The following SNX16 variants were observed in gnomAD, a reference collection of about 807,000 sequenced individuals.
SNX16 encodes sorting nexin-16.
A neutral mutation model predicts 36.7 loss-of-function variants in SNX16; 35 were observed. The observed-to-expected ratio is 0.95, with a 90% CI of 0.73 to 1.27. The LOEUF (loss-of-function observed/expected upper bound fraction) is 1.27, where lower values mean the gene tolerates loss of function less well. SNX16 is among the 50% of genes most tolerant of loss of function. SNX16 has a pLI of 0.00. For missense variants in SNX16, 367 were observed against 393.6 expected (o/e 0.93, Z 0.57); for synonymous variants, 134 against 132.0 (o/e 1.02, Z -0.10).
chr8:81,810,845 C>G (rs2130631322), intron 5 of SNX16, among the ~76,000 whole-genome samples: 2 of 152,172 alleles, frequency 1.3e-5, no homozygotes, highest in Middle Eastern at 6.8e-3. Flanking sequence ...CCTCGGCCAC[C>G]AAAAAGTTAT....
chr8:81,831,009 T>C (rs1811244342), intron 2 of SNX16, among the ~76,000 whole-genome samples: 1 of 152,130 alleles, frequency 6.6e-6, no homozygotes, highest in African/African-American at 2.4e-5. Flanking sequence ...AAAATAAGCA[T>C]AGGGAAGCGA....
At position 81,801,597 on chromosome 8, in the gene SNX16, CAAAA is replaced by C. The variant is rs33964984; in HGVS notation, c.939-8_939-5del. On this transcript the variant is annotated splice_region_variant and splice_polypyrimidine_tract_variant and intron_variant, in intron 7 of 7. Coordinates refer to ENST00000345957, the MANE Select transcript of SNX16 (RefSeq NM_152836.3). ...TAAGCATGGTTTATTATCAGCTCTGCAAAAAAAAAAAAAAAAGGAACATATCAAT... is the reference window on the plus strand; with the variant it reads ...TAAGCATGGTTTATTATCAGCTCTGCAAAAAAAAAAAAGGAACATATCAAT... 2,137 of 1,046,836 alleles carry C rather than the reference CAAAA, an allele frequency of 2.0e-3. No homozygotes were observed. The highest frequency in any genetic ancestry group is 3.5e-3 in the Admixed American group (96 of 27,328). 64.8% of individuals were successfully genotyped at this position (1,046,836 alleles called of 1,614,324 possible).
intron 2 of SNX16, among the ~76,000 whole-genome samples, chr8:81,830,361 G>C (rs893111737): frequency 6.6e-6 from 1 of 151,974 alleles, no homozygotes; most frequent in Non-Finnish European, 1.5e-5. Flanking sequence ...TGGGGGTCAG[G>C]AGATCGAGAC....
intron 4 of SNX16, among the ~76,000 whole-genome samples, chr8:81,822,964 A>ATATATATATATATATATGTATATG (rs1554546264): frequency 7.9e-5 from 10 of 127,242 alleles, no homozygotes; most frequent in Admixed American, 1.6e-4. Flanking sequence ...ATATATATAT[A>ATATATATATATATATATGTATATG]TATATATATA....
At chr8:81,816,733 G>A (rs999593657) in intron 4 of SNX16, among the ~76,000 whole-genome samples, 17 of 152,142 alleles carry the variant, frequency 1.1e-4, no homozygotes, top group African/African-American at 3.4e-4. Flanking sequence ...AAATGATACC[G>A]AATTTCAGAG....
In SNX16 at chr8:81,800,300, T is replaced by G. The variant is rs139555290; in HGVS notation, c.*1197A>C. 1.4e-4 allele frequency: 21 copies of G among 151,870 alleles called. No individual in the cohort carries two copies. The highest frequency in any genetic ancestry group is 4.8e-4 in the African/African-American group (20 of 41,496). 9.4% of individuals were successfully genotyped at this position (151,870 alleles called of 1,614,324 possible). A position where few individuals can be genotyped will look rare whatever the true frequency, so the allele number is the denominator to read the frequency against. ...ACAGCAATATGCAAAACAGTGAAAATAGAAAATAAATAACTTCATCCTATA... is the reference window on the plus strand; with the variant it reads ...ACAGCAATATGCAAAACAGTGAAAAGAGAAAATAAATAACTTCATCCTATA... On this transcript the variant is annotated 3_prime_UTR_variant, in exon 8 of 8. Transcript: ENST00000345957.
At chr8:81,819,579 T>C (rs1810640746) in intron 4 of SNX16, among the ~76,000 whole-genome samples, 2 of 152,076 alleles carry the variant, frequency 1.3e-5, no homozygotes, top group Non-Finnish European at 2.9e-5. Flanking sequence ...GATCTAACTA[T>C]CCATTATGAT....
At chr8:81,833,875 CTCTT>C (rs1471719551) in intron 2 of SNX16, among the ~76,000 whole-genome samples, 1 of 152,136 alleles carries the variant, frequency 6.6e-6, no homozygotes, top group Non-Finnish European at 1.5e-5. Context: ...GTTGTTTCTA[CTCTT>C]TATTTGAAGT....
chr8:81,836,291 A>G (rs1188094203), intron 2 of SNX16, among the ~76,000 whole-genome samples: 1 of 152,216 alleles, frequency 6.6e-6, no homozygotes. Flanking sequence ...TCAAAAGAAT[A>G]TATCTAGAAA....
At chr8:81,812,902 G>C (rs1484587965) in intron 5 of SNX16, among the ~76,000 whole-genome samples, 1 of 151,886 alleles carries the variant, frequency 6.6e-6, no homozygotes, top group Non-Finnish European at 1.5e-5. Flanking sequence ...AGAGATATTG[G>C]AGCCAAGTTT....
chr8:81,803,010 C>G, intron 6 of SNX16, 82 bp downstream of exon 6: 2 of 1,229,918 alleles, frequency 1.6e-6, no homozygotes, highest in Non-Finnish European at 2.1e-6. Flanking sequence ...ATTCCTAAAT[C>G]ATATTAAAAT....
At chr8:81,805,930 G>GA (rs1012018095) in intron 5 of SNX16, among the ~76,000 whole-genome samples, 84 of 147,984 alleles carry the variant, frequency 5.7e-4, no homozygotes, top group Middle Eastern at 3.5e-3. Context: ...TCAAAAAAAA[G>GA]AAAAAAAAAT....
chr8:81,815,634 A>G, intron 4 of SNX16: 1 of 336,390 alleles, frequency 3.0e-6, no homozygotes, highest in Admixed American at 3.9e-5. Context: ...GGCATAAAAC[A>G]TACTTCACAA....
rs535405142 is a variant in SNX16, at chr8:81,825,571, C to T, written c.463-1631G>A. 1.2e-4 allele frequency among the ~76,000 whole-genome samples: 18 copies of T among 152,256 alleles called. No individual in the cohort carries two copies. The South Asian group carries it at 3.5e-3, about 30-fold the overall frequency. ...TACTACACTACAATTATTATGCATG[C>T]CTTAGTCATAGTTGCATCTTTAATG... On this transcript the variant is annotated intron_variant, in intron 3 of 7. Coordinates refer to ENST00000345957, the MANE Select transcript of SNX16 (RefSeq NM_152836.3).
chr8:81,802,231 C>T, intron 7 of SNX16, 149 bp downstream of exon 7: 1 of 504,446 alleles, frequency 2.0e-6, no homozygotes, highest in South Asian at 6.7e-5. Flanking sequence ...TTAGGAAAAG[C>T]CTAAAATATT....
chr8:81,829,433 G>T lies in SNX16; in HGVS notation c.459C>A (p.Asp153Glu). The part of the protein sequence containing the change: ...RRYTDFSRLN[D>E]KLKEMFPGFR... The stretch of plus-strand genomic sequence containing the variant: ...TTGGATTTATTATAGTACTTACTTT[G>T]TCATTAAGCCTAGAGAAGTCAGTGT... Residue 153 changes from aspartate to glutamate, a missense_variant, in exon 3 of 8, where the codon GAC becomes GAA. Physicochemically the swap from Asp to Glu is conservative, Grantham distance 45 (BLOSUM62 2). Transcript: ENST00000345957. 1 of 1,365,180 alleles carries T rather than the reference G, an allele frequency of 7.3e-7. No individual in the cohort carries two copies. Among genetic ancestry groups the T allele is most frequent in the Non-Finnish European group, 9.7e-7 (1 of 1,035,220 alleles). The allele number at this position is 1,365,180 out of a possible 1,614,324, so 84.6% of individuals were successfully genotyped here.
chr8:81,831,018 G>A (rs1224448413), intron 2 of SNX16, among the ~76,000 whole-genome samples: 3 of 152,140 alleles, frequency 2.0e-5, no homozygotes, highest in Admixed American at 6.5e-5. Flanking sequence ...ATAGGGAAGC[G>A]ATCCCCTGTT....
At chr8:81,840,195 T>C in intron 1 of SNX16, 113 bp from the exon 2 acceptor site, 1 of 531,526 alleles carries the variant, frequency 1.9e-6, no homozygotes, top group South Asian at 3.4e-5. Context: ...AATGAAAACA[T>C]ACCTCAAACC....
At chr8:81,820,711 C>T (rs550586508) in intron 4 of SNX16, among the ~76,000 whole-genome samples, 2 of 152,000 alleles carry the variant, frequency 1.3e-5, no homozygotes, top group Non-Finnish European at 2.9e-5. Flanking sequence ...CACTGATCTC[C>T]CCGCTTCTTT....
Sources: allele counts gnomAD v4.1 joint callset (sites outside exome capture counted in the v4.1 genomes callset), GRCh38; gene constraint gnomAD v4.1.1; transcripts MANE v1.5; gene names NCBI Gene and HGNC (gene_info 2026-07-23, HGNC 2026-07-21).